AKAP6: variants seen among roughly 807,000 people sequenced by gnomAD.
AKAP6 encodes the protein A-kinase anchor protein 6.
A neutral mutation model predicts 188.5 loss-of-function variants in AKAP6; 58 were observed. The ratio of observed to expected loss-of-function variants is 0.31; its 90% CI spans 0.25 to 0.38. AKAP6 has a LOEUF of 0.38. AKAP6 is among the 10% of genes least tolerant of loss of function. The pLI, the probability that AKAP6 is intolerant of heterozygous loss-of-function variation, is 1.00. For missense variants in AKAP6, 2,710 were observed against 2,740.0 expected, an observed-to-expected ratio of 0.99 and a Z score of 0.24; for synonymous variants, 989 against 998.6, an observed-to-expected ratio of 0.99 and a Z score of 0.18.
Position 32,822,401 on chromosome 14 carries a change from G to A in AKAP6, c.4588G>A (p.Ala1530Thr). The change falls in exon 13 of 14, where the codon GCA becomes ACA. Residue 1530 changes from alanine to threonine, a missense_variant. Ala to Thr is a moderately conservative substitution (Grantham distance 58). Transcript: ENST00000280979. The part of the protein sequence containing the change: ...PDVPPHERIL[A>T]SASHEMDRIS... ...TGTACCTCCCCATGAAAGGATTTTG[G>A]CAAGTGCATCTCATGAAATGGATCG... is the stretch of plus-strand genomic sequence containing the variant. 2 of 1,613,994 alleles carry A rather than the reference G, an allele frequency of 1.2e-6. No individual in the cohort carries two copies. The highest frequency in any genetic ancestry group is 1.7e-6 in the Non-Finnish European group (2 of 1,179,954).
At chr14:32,411,258 A>G (rs759609619) in intron 1 of AKAP6, among the ~76,000 whole-genome samples, 2 of 152,156 alleles carry the variant, frequency 1.3e-5, no homozygotes, top group Non-Finnish European at 2.9e-5. Flanking sequence ...AGATTGAGAA[A>G]TCCTGCTATA....
At chr14:32,454,151 C>T (rs1891040786) in intron 2 of AKAP6, among the ~76,000 whole-genome samples, 1 of 152,198 alleles carries the variant, frequency 6.6e-6, no homozygotes, top group Non-Finnish European at 1.5e-5. Context: ...TCAGAACTGT[C>T]TGAACATGTC....
intron 5 of AKAP6, among the ~76,000 whole-genome samples, chr14:32,598,847 T>C (rs533614905): frequency 8.1e-4 from 123 of 152,218 alleles, no homozygotes; most frequent in Non-Finnish European, 1.4e-3. Flanking sequence ...GGCAGTGTCA[T>C]ATTATAGGGA....
At chr14:32,387,799 G>GTT (rs779142022) in intron 1 of AKAP6, among the ~76,000 whole-genome samples, 10 of 137,624 alleles carry the variant, frequency 7.3e-5, no homozygotes, top group Admixed American at 2.2e-4. Flanking sequence ...TTGGTCTGTA[G>GTT]TTTTTTTTTT....
chr14:32,495,618 G>A (rs1402449573), intron 2 of AKAP6, among the ~76,000 whole-genome samples: 1 of 152,178 alleles, frequency 6.6e-6, no homozygotes, highest in African/African-American at 2.4e-5. Flanking sequence ...GGACATAAGG[G>A]AGGCTGAGAG....
chr14:32,492,060 C>A (rs1459311113), intron 2 of AKAP6, among the ~76,000 whole-genome samples: 1 of 151,902 alleles, frequency 6.6e-6, no homozygotes, highest in Non-Finnish European at 1.5e-5. Context: ...CTGCTCATTC[C>A]CACCCTTGCA....
chr14:32,670,210 G>A (rs932924300), intron 7 of AKAP6, among the ~76,000 whole-genome samples: 1 of 152,024 alleles, frequency 6.6e-6, no homozygotes, highest in Non-Finnish European at 1.5e-5. Flanking sequence ...TAGCAGGAGG[G>A]TAAATGCCCC....
chr14:32,496,192 C>T (rs1192212562), intron 2 of AKAP6, among the ~76,000 whole-genome samples: 4 of 152,100 alleles, frequency 2.6e-5, no homozygotes, highest in Non-Finnish European at 5.9e-5. Context: ...ATTAGAATGA[C>T]TTAACACATA....
chr14:32,483,916 G>A (rs1018109028), intron 2 of AKAP6, among the ~76,000 whole-genome samples: 2 of 151,658 alleles, frequency 1.3e-5, no homozygotes, highest in East Asian at 3.9e-4. Flanking sequence ...TCCTAATGCT[G>A]TCCCTCACCT....
intron 7 of AKAP6, among the ~76,000 whole-genome samples, chr14:32,609,377 T>A (rs1886256107): frequency 1.3e-5 from 2 of 152,200 alleles, no homozygotes; most frequent in Non-Finnish European, 2.9e-5. Context: ...CTCTTTGCTC[T>A]GTACTCAGAG....
chr14:32,413,741 C>G (rs141644334), intron 1 of AKAP6, among the ~76,000 whole-genome samples: 2 of 152,146 alleles, frequency 1.3e-5, no homozygotes, highest in African/African-American at 4.8e-5. Flanking sequence ...TTGGATGTCT[C>G]TGTCTCTATG....
chr14:32,756,787 C>G (rs1244107277), intron 11 of AKAP6, among the ~76,000 whole-genome samples: 1 of 151,680 alleles, frequency 6.6e-6, no homozygotes, highest in Non-Finnish European at 1.5e-5. Context: ...GACTGTGAGT[C>G]CATTGCAGTG....
At chr14:32,724,121 A>G (rs1272621480) in intron 9 of AKAP6, among the ~76,000 whole-genome samples, 2 of 151,978 alleles carry the variant, frequency 1.3e-5, no homozygotes, top group Non-Finnish European at 2.9e-5. Context: ...ATACTGCTAC[A>G]TTTAGGTATT....
intron 4 of AKAP6, among the ~76,000 whole-genome samples, chr14:32,549,307 G>A (rs1185473330): frequency 1.3e-5 from 2 of 152,192 alleles, no homozygotes; most frequent in South Asian, 2.1e-4. Context: ...AGTGGAGCTA[G>A]AATTTGACTG....
intron 9 of AKAP6, among the ~76,000 whole-genome samples, chr14:32,707,007 A>G (rs1890839411): frequency 2.0e-5 from 3 of 152,094 alleles, no homozygotes; most frequent in Admixed American, 6.6e-5. Flanking sequence ...TTGATTCCAT[A>G]TGCTTATAGA....
At chr14:32,400,570 A>AAAAAAAAAAAG in intron 1 of AKAP6, among the ~76,000 whole-genome samples, 1 of 148,664 alleles carries the variant, frequency 6.7e-6, no homozygotes, top group African/African-American at 2.4e-5. Context: ...TAGCAAAAAA[A>AAAAAAAAAAAG]AAAAAAAAAG....
chr14:32,650,043 A>G (rs911345623), intron 7 of AKAP6, among the ~76,000 whole-genome samples: 1 of 152,162 alleles, frequency 6.6e-6, no homozygotes, highest in Non-Finnish European at 1.5e-5. Context: ...TTAATTATCT[A>G]GGGTTTGGAT....
intron 4 of AKAP6, among the ~76,000 whole-genome samples, chr14:32,564,886 C>A (rs1293281236): frequency 6.6e-6 from 1 of 152,208 alleles, no homozygotes; most frequent in African/African-American, 2.4e-5. Flanking sequence ...CAGCTGTTGG[C>A]TCTTTATCTT....
At chr14:32,820,988 TAC>T (rs33951991) in intron 12 of AKAP6, among the ~76,000 whole-genome samples, 27,055 of 151,948 alleles carry the variant, frequency 0.18, 3,285 homozygotes, top group African/African-American at 0.35. Flanking sequence ...GATAGTATTC[TAC>T]TATGGACTCC....
Sources: gnomAD v4.1 joint callset for allele counts (sites outside exome capture counted in the v4.1 genomes callset) on GRCh38, gnomAD v4.1.1 for gene constraint, MANE v1.5 for transcripts, NCBI Gene and HGNC (gene_info 2026-07-23, HGNC 2026-07-21) for gene names.